The following ZNF469 variants were observed in gnomAD, a reference collection of about 807,000 sequenced individuals.
ZNF469 encodes zinc finger protein 469.
ZNF469 carries 1 observed loss-of-function variant against 1.0 expected under a neutral mutation model. That is an observed-to-expected ratio of 1.00 (90% CI 0.35 to 4.73). The LOEUF (loss-of-function observed/expected upper bound fraction) is 4.73. ZNF469 is among the 30% of genes most tolerant of loss of function. The pLI is 0.16. For missense variants in ZNF469, 6,100 were observed against 5,356.3 expected (o/e 1.14, Z -4.33); for synonymous variants, 2,703 against 2,363.4 (o/e 1.14, Z -4.17).
At chr16:88,127,880 G>C in the ZNF469 span, among the ~76,000 whole-genome samples, 3 of 152,218 alleles carry the variant, frequency 2.0e-5, no homozygotes, top group African/African-American at 7.2e-5. Flanking sequence ...TTAAGTGAGG[G>C]AGACTGTGAA....
At chr16:88,416,236 C>A (rs1905297699) in intron 1 of ZNF469, among the ~76,000 whole-genome samples, 1 of 152,182 alleles carries the variant, frequency 6.6e-6, no homozygotes, top group Admixed American at 6.5e-5. Context: ...CATGCAGAGA[C>A]CTCACTCGAG....
rs74032860 is a variant in ZNF469 at position 88,420,831 on chromosome 16, C to T, written c.-191-3976C>T. ...AGGTGGGAAAACGGGCTCAGAGAGG[C>T]TGGGACGGGGCTTGGATCCCACAGT... On this transcript the variant is annotated intron_variant, in intron 1 of 2. Transcript: ENST00000565624. Among the ~76,000 whole-genome samples, 1,198 of 152,348 alleles carry T rather than the reference C, an allele frequency of 7.9e-3. 12 individuals carry two copies. The highest frequency in any genetic ancestry group is 0.028 in the African/African-American group (1,148 of 41,584).
Position 88,427,763 on chromosome 16 carries a change from G to T in ZNF469, c.293G>T (p.Gly98Val), listed in dbSNP as rs920920462. ...GKRGSPQTPP[G>V]RSPLQAPSRL... Reference sequence around the variant, plus strand: ...AGGGGCAGCCCCCAGACCCCACCGGGGAGAAGCCCCTTGCAGGCTCCCTCA... The same window carrying T: ...AGGGGCAGCCCCCAGACCCCACCGGTGAGAAGCCCCTTGCAGGCTCCCTCA... Residue 98 changes from glycine (G) to valine (V), a missense_variant, in exon 3 of 3, where the codon GGG becomes GTG. Physicochemically the swap from Gly to Val is moderately radical, Grantham distance 109. Coordinates refer to ENST00000565624, the MANE Select transcript of ZNF469 (RefSeq NM_001367624.2). 1.9e-6 allele frequency: 3 copies of T among 1,545,136 alleles called. No individual in the cohort carries two copies. Among genetic ancestry groups the T allele is most frequent in the Admixed American group, 3.9e-5 (2 of 50,942 alleles).
the ZNF469 span, among the ~76,000 whole-genome samples, chr16:88,281,730 G>A: frequency 6.6e-6 from 1 of 151,476 alleles, no homozygotes; most frequent in Non-Finnish European, 1.5e-5. Context: ...TTAGTGCTGT[G>A]CCACACTGAC....
the ZNF469 span, among the ~76,000 whole-genome samples, chr16:88,357,871 G>A: frequency 3.3e-5 from 5 of 152,172 alleles, no homozygotes; most frequent in Admixed American, 6.5e-5. Context: ...GGAGGGAGCC[G>A]GTGGCAGGGC....
upstream of ZNF469, among the ~76,000 whole-genome samples, chr16:88,380,195 A>G (rs1019152232): frequency 1.3e-5 from 2 of 151,570 alleles, no homozygotes; most frequent in Admixed American, 6.6e-5. Context: ...GCACTCACAC[A>G]CAGACATGCA....
intron 1 of ZNF469, among the ~76,000 whole-genome samples, chr16:88,386,773 A>G (rs1196829595): frequency 6.6e-6 from 1 of 152,156 alleles, no homozygotes; most frequent in East Asian, 1.9e-4. Flanking sequence ...GATGGAGCTG[A>G]CCTGCTACAT....
the ZNF469 span, among the ~76,000 whole-genome samples, chr16:88,204,443 T>C: frequency 6.6e-6 from 1 of 152,234 alleles, no homozygotes; most frequent in Non-Finnish European, 1.5e-5. Context: ...CCTGCCATTC[T>C]GTTTCCCACT....
In ZNF469 at chr16:88,431,087, C is replaced by G; in HGVS notation, c.3617C>G (p.Pro1206Arg). 1 of 1,550,144 alleles carries G rather than the reference C, an allele frequency of 6.5e-7. No individual in the cohort carries two copies. The highest frequency in any genetic ancestry group is 1.2e-5 in the South Asian group (1 of 84,048). The change falls in exon 3 of 3, where the codon CCC becomes CGC. Residue 1206 changes from proline to arginine, a missense_variant. Coordinates refer to ENST00000565624, the MANE Select transcript of ZNF469 (RefSeq NM_001367624.2). ...SVAPKDPLQV[P>R]TNTETSEETR... ...GCCCCCAAGGATCCCCTGCAGGTCCCCACCAACACCGAGACCTCAGAGGAA... is the reference window on the plus strand; with the variant it reads ...GCCCCCAAGGATCCCCTGCAGGTCCGCACCAACACCGAGACCTCAGAGGAA...
chr16:88,188,647 G>T, the ZNF469 span, among the ~76,000 whole-genome samples: 1 of 152,182 alleles, frequency 6.6e-6, no homozygotes, highest in Non-Finnish European at 1.5e-5. Flanking sequence ...CAGAACTTGC[G>T]TATCAAACAA....
rs1044843237 is a variant in ZNF469, at chr16:88,437,928, C to G, written c.10458C>G (p.Pro3486=). The G allele has an allele frequency of 1.3e-6, 2 of 1,540,148 alleles. No homozygotes were observed. Among genetic ancestry groups the G allele is most frequent in the African/African-American group, 1.4e-5 (1 of 72,978 alleles). The change falls in exon 3 of 3, where the codon CCC becomes CCG. Residue 3486 remains proline, a synonymous_variant. Coordinates refer to ENST00000565624, the MANE Select transcript of ZNF469 (RefSeq NM_001367624.2). ...CCATGCCCGGCAGTGCCCCTGGGCC[C>G]GGCGAGGACAGGCCTCCTCCCCGGG... The part of the protein sequence containing the change: ...RVAMPGSAPG[P]GEDRPPPRGS...
At chr16:88,210,829 TG>T in the ZNF469 span, among the ~76,000 whole-genome samples, 1 of 152,266 alleles carries the variant, frequency 6.6e-6, no homozygotes, top group African/African-American at 2.4e-5. Context: ...CTTTTTAGTG[TG>T]TTTTAATGCC....
rs1213548012 is a variant in ZNF469 at position 88,400,891 on chromosome 16, CA to C, written c.-192+17638del. ...CACCACTAGGGACCAAGCAGAGGGC[CA>C]GGGGGTGGCGGGGGCAGGAGATGGA... On this transcript the variant is annotated intron_variant, in intron 1 of 2. Coordinates refer to ENST00000565624, the MANE Select transcript of ZNF469 (RefSeq NM_001367624.2). 3.3e-5 allele frequency among the ~76,000 whole-genome samples: 5 copies of C among 151,722 alleles called. No homozygotes were observed. The East Asian group carries it at 5.8e-4, about 18-fold the overall frequency.
the ZNF469 span, among the ~76,000 whole-genome samples, chr16:88,299,456 G>A: frequency 3.3e-5 from 5 of 152,306 alleles, no homozygotes; most frequent in East Asian, 1.9e-4. Context: ...GGAAGGAGCC[G>A]AGTGAAAGGG....
chr16:88,288,531 C>T, the ZNF469 span, among the ~76,000 whole-genome samples: 1 of 152,208 alleles, frequency 6.6e-6, no homozygotes, highest in Non-Finnish European at 1.5e-5. Flanking sequence ...TTATACTCAT[C>T]ACATTTATTC....
chr16:88,422,546 TG>T (rs1201102320), intron 1 of ZNF469, among the ~76,000 whole-genome samples: 4 of 74,040 alleles, frequency 5.4e-5, no homozygotes, highest in Admixed American at 1.8e-4. Flanking sequence ...GGCAGGTGGA[TG>T]GGGGGATGGG....
At chr16:88,362,162 A>C in the ZNF469 span, among the ~76,000 whole-genome samples, 1 of 152,216 alleles carries the variant, frequency 6.6e-6, no homozygotes, top group Admixed American at 6.5e-5. Flanking sequence ...TTTTAGAATC[A>C]GTTTGTCAAT....
upstream of ZNF469, among the ~76,000 whole-genome samples, chr16:88,381,390 A>T (rs201930261): frequency 0.097 from 14,352 of 148,416 alleles, 1,004 homozygotes; most frequent in East Asian, 0.4. Flanking sequence ...ACATGCATTC[A>T]CACACACGCA....
At chr16:88,182,349 C>CCT in the ZNF469 span, among the ~76,000 whole-genome samples, 1 of 151,606 alleles carries the variant, frequency 6.6e-6, no homozygotes, top group South Asian at 2.1e-4. Flanking sequence ...TCTCATCAGA[C>CCT]TTTTTTTTTC....
Sources: allele counts gnomAD v4.1 joint callset (sites outside exome capture counted in the v4.1 genomes callset), GRCh38; gene constraint gnomAD v4.1.1; transcripts MANE v1.5; gene names NCBI Gene and HGNC (gene_info 2026-07-23, HGNC 2026-07-21).